Variants in CA5A observed in about 807,000 individuals in gnomAD.
CA5A encodes carbonic anhydrase 5A.
In CA5A, 28 loss-of-function variants were observed where a neutral mutation model predicts 37.1. That is an observed-to-expected ratio of 0.75 (90% confidence interval 0.56 to 1.03). CA5A has a LOEUF of 1.03. CA5A is among the 50% of genes least tolerant of loss of function. CA5A has a pLI of 0.00. For missense variants in CA5A, 444 were observed against 399.9 expected, an observed-to-expected ratio of 1.11 and a Z score of -0.94; for synonymous variants, 171 against 158.4, an observed-to-expected ratio of 1.08 and a Z score of -0.60.
At chr16:87,895,123 G>A (rs1012663956) in intron 5 of CA5A, among the ~76,000 whole-genome samples, 7 of 152,168 alleles carry the variant, frequency 4.6e-5, no homozygotes, top group Non-Finnish European at 8.8e-5. Context: ...AGTGGTGCAC[G>A]CCTGTGGTCC....
intron 5 of CA5A, among the ~76,000 whole-genome samples, chr16:87,895,321 G>GCA: frequency 1.3e-5 from 2 of 152,140 alleles, no homozygotes; most frequent in African/African-American, 4.8e-5. Context: ...CGAGGCGGAT[G>GCA]GATCACCTGA....
chr16:87,912,657 A>G (rs1163982755), intron 2 of CA5A, among the ~76,000 whole-genome samples: 4 of 152,230 alleles, frequency 2.6e-5, no homozygotes, highest in East Asian at 1.9e-4. Context: ...GGTGGTAGAG[A>G]TAAAAAGCTG....
chr16:87,931,571 A>G (rs1381619010), intron 1 of CA5A, among the ~76,000 whole-genome samples: 1 of 152,174 alleles, frequency 6.6e-6, no homozygotes, highest in Non-Finnish European at 1.5e-5. Context: ...GAAGGAGAAT[A>G]AGGGAGTAGA....
At chr16:87,924,589 G>A (rs2056276512) in intron 2 of CA5A, among the ~76,000 whole-genome samples, 1 of 152,230 alleles carries the variant, frequency 6.6e-6, no homozygotes, top group Admixed American at 6.5e-5. Context: ...CCTGTGTTGA[G>A]AATTTCTAGG....
chr16:87,921,102 A>AT (rs2144042659), intron 2 of CA5A, among the ~76,000 whole-genome samples: 1 of 150,866 alleles, frequency 6.6e-6, no homozygotes, highest in African/African-American at 2.4e-5. Context: ...CAATTTTTGT[A>AT]TTTTTTAGTA....
At chr16:87,889,459 T>C (rs1024710954) in intron 6 of CA5A, among the ~76,000 whole-genome samples, 6 of 152,220 alleles carry the variant, frequency 3.9e-5, no homozygotes, top group Non-Finnish European at 1.5e-5. Flanking sequence ...TGAATTTACT[T>C]TTCACTGAAG....
chr16:87,897,252 C>T (rs765586628), intron 5 of CA5A, among the ~76,000 whole-genome samples: 10 of 152,252 alleles, frequency 6.6e-5, no homozygotes, highest in East Asian at 1.9e-4. Flanking sequence ...CTGACTGTTG[C>T]GAAGGCAGGG....
At chr16:87,916,869 G>A (rs577889399) in intron 2 of CA5A, among the ~76,000 whole-genome samples, 9 of 152,216 alleles carry the variant, frequency 5.9e-5, no homozygotes, top group South Asian at 2.1e-4. Context: ...TTGGGAGGCC[G>A]AGGCAGGAGG....
chr16:87,883,812 A>G (rs2055627598), downstream of CA5A: 2 of 135,884 alleles, frequency 1.5e-5, no homozygotes, highest in Admixed American at 7.6e-5. Flanking sequence ...AATTTTTTGC[A>G]TTTTTTTTTA....
In CA5A at chr16:87,904,760, T is replaced by C. The variant is rs367648555; in HGVS notation, c.459+26A>G. ...CGGAGACATGGAAAGTGTGCAGATA[T>C]GTGCTGTTAGGCCACGTCTACAAAC... On this transcript the variant is annotated intron_variant, in intron 3 of 6. Transcript: ENST00000649794. 1.0e-5 allele frequency: 14 copies of C among 1,347,492 alleles called. No individual in the cohort carries two copies. In the African/African-American group the frequency reaches 1.1e-4, roughly 11 times the overall value. 83.5% of individuals were successfully genotyped at this position (1,347,492 alleles called of 1,614,324 possible). A position where few individuals can be genotyped will look rare whatever the true frequency, so the allele number is the denominator to read the frequency against.
At chr16:87,881,803 G>A (rs1436594779) in exon 5 of CA5A, 2 of 152,222 alleles carry the variant, frequency 1.3e-5, no homozygotes, top group Non-Finnish European at 2.9e-5. Context: ...CGTGTTTGTG[G>A]TTTCATCTCA....
chr16:87,923,956 A>T (rs1338049947), intron 2 of CA5A: 22 of 984,960 alleles, frequency 2.2e-5, no homozygotes, highest in Non-Finnish European at 2.7e-5. Context: ...CTGCATGAAG[A>T]ATTTTTAAAT....
At chr16:87,894,603 G>C (rs908827743) in intron 5 of CA5A, among the ~76,000 whole-genome samples, 10 of 152,006 alleles carry the variant, frequency 6.6e-5, no homozygotes, top group African/African-American at 2.4e-4. Flanking sequence ...TATAGGCTGG[G>C]CACAGTGGCT....
At chr16:87,927,918 G>T (rs894991900) in intron 1 of CA5A, among the ~76,000 whole-genome samples, 4 of 151,294 alleles carry the variant, frequency 2.6e-5, no homozygotes, top group Non-Finnish European at 5.9e-5. Flanking sequence ...TCCCATGATT[G>T]CACCCCCTGG....
At chr16:87,925,738 C>T (rs2056296761) in intron 2 of CA5A, 1 of 152,228 alleles carries the variant, frequency 6.6e-6, no homozygotes, top group Admixed American at 6.5e-5. Context: ...TCCGCAGAAG[C>T]CCTTGGCCAA....
chr16:87,910,315 G>A (rs1225615144), intron 2 of CA5A, among the ~76,000 whole-genome samples: 1 of 152,170 alleles, frequency 6.6e-6, no homozygotes, highest in Non-Finnish European at 1.5e-5. Flanking sequence ...GCTGGGCATT[G>A]CGAGGTAACT....
At chr16:87,909,355 G>T (rs1320544758) in intron 2 of CA5A, among the ~76,000 whole-genome samples, 1 of 152,220 alleles carries the variant, frequency 6.6e-6, no homozygotes, top group East Asian at 1.9e-4. Context: ...TGGGGACCAA[G>T]CACGCTCAGG....
At chr16:87,922,118 G>A (rs559834342) in intron 2 of CA5A, among the ~76,000 whole-genome samples, 16 of 152,234 alleles carry the variant, frequency 1.1e-4, no homozygotes, top group African/African-American at 3.6e-4. Flanking sequence ...ACAGGTGTGA[G>A]CCGCCGGGCC....
chr16:87,918,578 C>T (rs1251365889), intron 2 of CA5A, among the ~76,000 whole-genome samples: 1 of 152,308 alleles, frequency 6.6e-6, no homozygotes, highest in African/African-American at 2.4e-5. Flanking sequence ...TTGGCCTGTC[C>T]GTTTGTTTCG....
Sources: allele counts gnomAD v4.1 joint callset (sites outside exome capture counted in the v4.1 genomes callset), GRCh38; gene constraint gnomAD v4.1.1; transcripts MANE v1.5; gene names NCBI Gene and HGNC (gene_info 2026-07-23, HGNC 2026-07-21).